Variants in SLC24A2 observed in about 807,000 individuals in gnomAD.
SLC24A2 encodes the protein sodium/potassium/calcium exchanger 2.
In SLC24A2, 36 loss-of-function variants were observed where a neutral mutation model predicts 62.0. That is an observed-to-expected ratio of 0.58 (90% CI 0.44 to 0.77). The LOEUF is 0.77. SLC24A2 is among the 30% of genes least tolerant of loss of function. SLC24A2 has a pLI of 0.00. For synonymous variants in SLC24A2, 358 were observed against 294.0 expected, an observed-to-expected ratio of 1.22 and a Z score of -2.23; for missense variants, 846 against 817.9, an observed-to-expected ratio of 1.03 and a Z score of -0.42.
intron 2 of SLC24A2, among the ~76,000 whole-genome samples, chr9:19,766,754 T>C (rs922609900): frequency 6.6e-6 from 1 of 152,170 alleles, no homozygotes; most frequent in African/African-American, 2.4e-5. Context: ...TGTCTCCCCT[T>C]CAGAAGGCAT....
intron 2 of SLC24A2, among the ~76,000 whole-genome samples, chr9:19,785,413 A>C (rs1314772280): frequency 6.6e-6 from 1 of 152,226 alleles, no homozygotes. Flanking sequence ...TCAATCAAGA[A>C]AAACAGCCAT....
intron 4 of SLC24A2, among the ~76,000 whole-genome samples, chr9:19,612,389 A>G (rs1257413765): frequency 1.3e-5 from 2 of 152,132 alleles, no homozygotes; most frequent in Non-Finnish European, 2.9e-5. Flanking sequence ...TATGTTGCCC[A>G]GGCTGCTCTT....
chr9:20,011,809 G>C, the SLC24A2 span, among the ~76,000 whole-genome samples: 1 of 152,066 alleles, frequency 6.6e-6, no homozygotes, highest in Non-Finnish European at 1.5e-5. Flanking sequence ...AACAGCAAGA[G>C]ACTTTAAGAA....
chr9:20,099,461 T>C, the SLC24A2 span, among the ~76,000 whole-genome samples: 1 of 152,190 alleles, frequency 6.6e-6, no homozygotes, highest in Non-Finnish European at 1.5e-5. Context: ...ACCAGACTGA[T>C]GAAAATGTGT....
At position 19,785,924 on chromosome 9, in the gene SLC24A2, C is replaced by T. The variant is rs1341476264; in HGVS notation, c.930+13G>A. On this transcript the variant is annotated intron_variant, in intron 2 of 10. Coordinates refer to ENST00000341998, the MANE Select transcript of SLC24A2 (RefSeq NM_020344.4). ...TCAAGAAAAGCATTAAATAAAAATC[C>T]ACCACCACCAACCTTTGCTTGGGCT... 1.9e-6 allele frequency: 3 copies of T among 1,613,914 alleles called. No homozygotes were observed. The African/African-American group carries it at 4.0e-5, about 22-fold the overall frequency.
At chr9:19,911,676 T>C in the SLC24A2 span, among the ~76,000 whole-genome samples, 17 of 152,186 alleles carry the variant, frequency 1.1e-4, no homozygotes, top group Non-Finnish European at 2.2e-4. Context: ...TAAAGTGTCA[T>C]TGAATATCCA....
the SLC24A2 span, among the ~76,000 whole-genome samples, chr9:19,918,442 A>G: frequency 6.6e-6 from 1 of 151,380 alleles, no homozygotes; most frequent in Non-Finnish European, 1.5e-5. Context: ...TGCTTTGAGA[A>G]TGTGTGTGGT....
chr9:19,874,036 A>G, the SLC24A2 span, among the ~76,000 whole-genome samples: 2 of 151,872 alleles, frequency 1.3e-5, no homozygotes, highest in African/African-American at 4.8e-5. Context: ...AAAATTCTAT[A>G]AACTCGTACA....
chr9:20,301,336 A>G, the SLC24A2 span, among the ~76,000 whole-genome samples: 2 of 152,226 alleles, frequency 1.3e-5, 1 homozygote, highest in African/African-American at 4.8e-5. Context: ...TTCTTATTAT[A>G]AAAATGGTAT....
intron 2 of SLC24A2, among the ~76,000 whole-genome samples, chr9:19,697,812 A>C (rs1820236372): frequency 1.3e-5 from 2 of 152,164 alleles, no homozygotes; most frequent in African/African-American, 2.4e-5. Context: ...TTAGTTTCGG[A>C]AACTGAAATA....
At chr9:20,077,665 C>T in the SLC24A2 span, among the ~76,000 whole-genome samples, 1 of 152,070 alleles carries the variant, frequency 6.6e-6, no homozygotes, top group Non-Finnish European at 1.5e-5. Flanking sequence ...GAATTAATAC[C>T]AAGGAGTTAA....
At chr9:19,535,010 T>A (rs1048428963) in intron 8 of SLC24A2, among the ~76,000 whole-genome samples, 1 of 152,192 alleles carries the variant, frequency 6.6e-6, no homozygotes, top group Admixed American at 6.5e-5. Context: ...CCACATCCTC[T>A]CCAGCACCTG....
chr9:20,251,746 T>G, the SLC24A2 span, among the ~76,000 whole-genome samples: 1 of 152,192 alleles, frequency 6.6e-6, no homozygotes, highest in Non-Finnish European at 1.5e-5. Context: ...AAACCTCTCC[T>G]AAGATGGTTC....
At chr9:19,759,715 C>T (rs184233335) in intron 2 of SLC24A2, among the ~76,000 whole-genome samples, 1 of 152,202 alleles carries the variant, frequency 6.6e-6, no homozygotes, top group East Asian at 1.9e-4. Flanking sequence ...CTCTTTTAGG[C>T]ATTAGGGATT....
intron 5 of SLC24A2, among the ~76,000 whole-genome samples, chr9:19,584,443 T>C (rs1223408808): frequency 6.6e-6 from 1 of 152,174 alleles, no homozygotes; most frequent in Admixed American, 6.5e-5. Flanking sequence ...TGTGCTCTGA[T>C]GGATGGTGGA....
At chr9:19,675,039 C>A (rs527870075) in intron 2 of SLC24A2, among the ~76,000 whole-genome samples, 61 of 152,270 alleles carry the variant, frequency 4.0e-4, no homozygotes, top group Non-Finnish European at 6.0e-4. Flanking sequence ...TCTTTTGTCC[C>A]ACAGGGTGCT....
At chr9:19,520,449 G>C (rs934867577) in intron 10 of SLC24A2, among the ~76,000 whole-genome samples, 11 of 152,142 alleles carry the variant, frequency 7.2e-5, no homozygotes, top group Non-Finnish European at 1.5e-4. Context: ...AAGACTGTCA[G>C]TATTTTCCAA....
At chr9:19,882,679 A>G in the SLC24A2 span, among the ~76,000 whole-genome samples, 16 of 151,526 alleles carry the variant, frequency 1.1e-4, no homozygotes, top group African/African-American at 3.7e-4. Flanking sequence ...AAAAAAAAAA[A>G]ATAGAGAATA....
At chr9:19,750,716 C>T (rs1008842498) in intron 2 of SLC24A2, among the ~76,000 whole-genome samples, 1 of 152,106 alleles carries the variant, frequency 6.6e-6, no homozygotes, top group East Asian at 1.9e-4. Flanking sequence ...CAAATGCCTT[C>T]GGGGAGACAC....
Sources: allele counts gnomAD v4.1 joint callset (sites outside exome capture counted in the v4.1 genomes callset), GRCh38; gene constraint gnomAD v4.1.1; transcripts MANE v1.5; gene names NCBI Gene and HGNC (gene_info 2026-07-23, HGNC 2026-07-21).